BBX: variants seen among roughly 807,000 people sequenced by gnomAD.
BBX encodes BBX high mobility group box domain containing.
In BBX, 30 loss-of-function variants were observed where a neutral mutation model predicts 100.2. The ratio of observed to expected loss-of-function variants is 0.30; its 90% confidence interval spans 0.22 to 0.41. The LOEUF (loss-of-function observed/expected upper bound fraction) is 0.41. Among genes scored for constraint, BBX ranks in the 10% least tolerant of loss-of-function variants. The probability of loss-of-function intolerance (pLI) is 1.00; values close to 1 mark genes in which losing one functional copy is unlikely to be tolerated. For synonymous variants in BBX, 376 were observed against 388.1 expected (o/e 0.97, Z 0.37); for missense variants, 1,023 against 1,129.8 (o/e 0.91, Z 1.35).
intron 2 of BBX, among the ~76,000 whole-genome samples, chr3:107,536,709 A>G (rs2048515850): frequency 6.6e-6 from 1 of 152,164 alleles, no homozygotes; most frequent in South Asian, 2.1e-4. Context: ...GGTAGCAGAA[A>G]CTATACCAAT....
At chr3:107,643,588 A>T (rs974566245) in intron 2 of BBX, among the ~76,000 whole-genome samples, 13 of 152,132 alleles carry the variant, frequency 8.5e-5, no homozygotes, top group Admixed American at 8.5e-4. Context: ...CAGGTGGCTC[A>T]GATGAAAATC....
At chr3:107,535,143 A>G (rs1471921560) in intron 2 of BBX, among the ~76,000 whole-genome samples, 2 of 152,204 alleles carry the variant, frequency 1.3e-5, no homozygotes, top group African/African-American at 2.4e-5. Flanking sequence ...CAGTGCCACA[A>G]TCTCCTGAGG....
At chr3:107,662,978 A>G (rs2058540441) in intron 3 of BBX, 1 of 152,196 alleles carries the variant, frequency 6.6e-6, no homozygotes, top group Non-Finnish European at 1.5e-5. Flanking sequence ...AATGCTATAT[A>G]TACAAGAATG....
chr3:107,593,773 G>GAAAC (rs549721976), intron 2 of BBX, among the ~76,000 whole-genome samples: 1 of 152,030 alleles, frequency 6.6e-6, no homozygotes, highest in African/African-American at 2.4e-5. Context: ...AAAACAAAAC[G>GAAAC]AAACAAACAA....
intron 2 of BBX, among the ~76,000 whole-genome samples, chr3:107,602,382 C>T (rs962427296): frequency 6.6e-6 from 1 of 152,092 alleles, no homozygotes; most frequent in East Asian, 1.9e-4. Context: ...TCATTGAAAA[C>T]CTTCTGGAAA....
At chr3:107,571,205 G>C (rs1317761635) in intron 2 of BBX, among the ~76,000 whole-genome samples, 2 of 152,074 alleles carry the variant, frequency 1.3e-5, no homozygotes, top group South Asian at 4.2e-4. Context: ...GAAGGGGGTG[G>C]TGAGCAGCCC....
chr3:107,772,720 G>A lies in BBX; in HGVS notation c.999G>A (p.Lys333=). 1 of 1,611,288 alleles carries A rather than the reference G, an allele frequency of 6.2e-7. No individual in the cohort carries two copies. The highest frequency in any genetic ancestry group is 8.5e-7 in the Non-Finnish European group (1 of 1,179,344). ...SDGGRIKELE[K]GKEEKEIKME... is the part of the protein sequence containing the mutation. ...GTGGAAGAATTAAAGAATTAGAGAA[G>A]GGAAAGGAAGAAAAAGAAATTAAAA... is the stretch of plus-strand genomic sequence containing the variant. Residue 333 remains lysine (K), a synonymous_variant, in exon 11 of 18, where the codon AAG becomes AAA. Transcript: ENST00000325805.
intron 17 of BBX, among the ~76,000 whole-genome samples, chr3:107,804,337 T>A (rs1346739605): frequency 6.6e-6 from 1 of 152,206 alleles, no homozygotes; most frequent in Non-Finnish European, 1.5e-5. Flanking sequence ...TTTTGAAAGG[T>A]CATCCCAATG....
rs533672871 is a variant in BBX at position 107,613,941 on chromosome 3, G to GTTT, written c.-83-31868_-83-31866dup. On this transcript the variant is annotated intron_variant, in intron 2 of 17. Transcript: ENST00000325805. ...TGAAATTCAGGGTCAACATACCATG[G>GTTT]TTTTTTTTTTTTTTTTTTTTTTTTT... is the stretch of plus-strand genomic sequence containing the variant. Among the ~76,000 whole-genome samples, 127 of 86,590 alleles carry GTTT rather than the reference G, an allele frequency of 1.5e-3. 11 individuals are homozygous for GTTT. The highest frequency in any genetic ancestry group is 2.1e-3 in the African/African-American group (50 of 24,290). 56.8% of individuals were successfully genotyped at this position (86,590 alleles called of 152,430 possible). A position where few individuals can be genotyped will look rare whatever the true frequency, so the allele number is the denominator to read the frequency against.
At chr3:107,575,962 G>A (rs924041042) in intron 2 of BBX, among the ~76,000 whole-genome samples, 1 of 152,178 alleles carries the variant, frequency 6.6e-6, no homozygotes, top group Non-Finnish European at 1.5e-5. Context: ...GTTGAACCCG[G>A]CAGGTCGAGG....
chr3:107,724,884 A>G (rs2062806409), intron 5 of BBX, among the ~76,000 whole-genome samples: 1 of 152,094 alleles, frequency 6.6e-6, no homozygotes, highest in African/African-American at 2.4e-5. Context: ...TTGACTTGGC[A>G]ATGCGGGTTC....
intron 3 of BBX, among the ~76,000 whole-genome samples, chr3:107,674,414 G>A (rs1381909709): frequency 6.6e-6 from 1 of 152,048 alleles, no homozygotes; most frequent in Non-Finnish European, 1.5e-5. Flanking sequence ...CCTTTGTACT[G>A]ATTTTAAACT....
At chr3:107,681,312 G>A (rs73850120) in intron 3 of BBX, among the ~76,000 whole-genome samples, 2,083 of 152,144 alleles carry the variant, frequency 0.014, 48 homozygotes, top group African/African-American at 0.048. Flanking sequence ...AGTTAATAAT[G>A]GTGTTATGAA....
chr3:107,553,409 T>C (rs978870776), intron 2 of BBX, among the ~76,000 whole-genome samples: 6 of 152,202 alleles, frequency 3.9e-5, no homozygotes, highest in Non-Finnish European at 7.3e-5. Flanking sequence ...TCATTCTAAC[T>C]CTAGAGGCTA....
chr3:107,600,714 A>G (rs1266338513), intron 2 of BBX, among the ~76,000 whole-genome samples: 1 of 152,144 alleles, frequency 6.6e-6, no homozygotes, highest in East Asian at 1.9e-4. Flanking sequence ...AATCTTCATG[A>G]TCATAGAGGA....
intron 3 of BBX, among the ~76,000 whole-genome samples, chr3:107,673,205 T>C (rs907913120): frequency 2.0e-5 from 3 of 152,044 alleles, no homozygotes; most frequent in African/African-American, 4.8e-5. Flanking sequence ...TAACAGACTT[T>C]TGATAATAAA....
At chr3:107,536,454 G>A (rs1171343858) in intron 2 of BBX, among the ~76,000 whole-genome samples, 2 of 152,086 alleles carry the variant, frequency 1.3e-5, no homozygotes, top group Non-Finnish European at 2.9e-5. Context: ...TTGTGGATAT[G>A]ATCTTACTAA....
chr3:107,692,116 T>A (rs1255707377), intron 3 of BBX, among the ~76,000 whole-genome samples: 1 of 151,822 alleles, frequency 6.6e-6, no homozygotes, highest in East Asian at 1.9e-4. Flanking sequence ...GCATTGTTTT[T>A]TAAAATTATA....
At chr3:107,599,867 C>G (rs2053940244) in intron 2 of BBX, among the ~76,000 whole-genome samples, 1 of 152,034 alleles carries the variant, frequency 6.6e-6, no homozygotes, top group African/African-American at 2.4e-5. Flanking sequence ...TGTCTGTAAA[C>G]AAGATGATGA....
Sources: gnomAD v4.1 joint callset for allele counts (sites outside exome capture counted in the v4.1 genomes callset) on GRCh38, gnomAD v4.1.1 for gene constraint, MANE v1.5 for transcripts, NCBI Gene and HGNC (gene_info 2026-07-23, HGNC 2026-07-21) for gene names.